Variants in CYP2C19 observed in about 807,000 individuals in gnomAD.
CYP2C19 encodes the protein cytochrome P450 family 2 subfamily C member 19.
In CYP2C19, 59 loss-of-function variants were observed where a neutral mutation model predicts 40.9. The observed-to-expected ratio is 1.44, with a 90% CI of 1.17 to 1.79. The LOEUF (loss-of-function observed/expected upper bound fraction) is 1.79. CYP2C19 is among the 40% of genes most tolerant of loss of function. The pLI, the probability that CYP2C19 is intolerant of heterozygous loss-of-function variation, is 0.00. For missense variants in CYP2C19, 754 were observed against 596.9 expected (o/e 1.26, Z -2.74); for synonymous variants, 253 against 208.7 (o/e 1.21, Z -1.83).
intron 5 of CYP2C19, among the ~76,000 whole-genome samples, chr10:94,817,754 C>T (rs1277573455): frequency 1.3e-5 from 2 of 151,924 alleles, no homozygotes; most frequent in African/African-American, 4.8e-5. Context: ...TGGCTCACAC[C>T]TGTAATCCCG....
intron 5 of CYP2C19, among the ~76,000 whole-genome samples, chr10:94,796,953 T>G (rs548625497): frequency 6.6e-6 from 1 of 152,242 alleles, no homozygotes; most frequent in East Asian, 1.9e-4. Flanking sequence ...ACAATTTGAC[T>G]TCCTCTTTTC....
chr10:94,801,942 A>G (rs1848771600), intron 5 of CYP2C19, among the ~76,000 whole-genome samples: 1 of 152,230 alleles, frequency 6.6e-6, no homozygotes, highest in South Asian at 2.1e-4. Flanking sequence ...AAAAGTGAGT[A>G]GCAGCAAGAT....
chr10:94,794,413 G>A (rs1159327418), intron 5 of CYP2C19, among the ~76,000 whole-genome samples: 2 of 152,158 alleles, frequency 1.3e-5, no homozygotes, highest in Non-Finnish European at 2.9e-5. Flanking sequence ...TGGAAATGCA[G>A]AAATCACCCA....
chr10:94,803,137 C>T (rs922176368), intron 5 of CYP2C19, among the ~76,000 whole-genome samples: 5 of 152,166 alleles, frequency 3.3e-5, no homozygotes, highest in Admixed American at 3.3e-4. Context: ...TCAGATATTT[C>T]ATGGTGCCAG....
intron 1 of CYP2C19, among the ~76,000 whole-genome samples, chr10:94,768,739 A>T (rs1452918613): frequency 6.6e-6 from 1 of 152,022 alleles, no homozygotes; most frequent in African/African-American, 2.4e-5. Context: ...TTACTTAGGT[A>T]TACCACTGGT....
At chr10:94,777,745 A>C (rs1172315281) in intron 3 of CYP2C19, among the ~76,000 whole-genome samples, 1 of 152,180 alleles carries the variant, frequency 6.6e-6, no homozygotes, top group African/African-American at 2.4e-5. Flanking sequence ...AGCATGGGCA[A>C]AGACTTCATG....
chr10:94,839,325 C>A (rs1222223480), intron 6 of CYP2C19, among the ~76,000 whole-genome samples: 3 of 152,112 alleles, frequency 2.0e-5, no homozygotes, highest in Non-Finnish European at 2.9e-5. Context: ...GCTGTATAAC[C>A]ACCCATGGAC....
chr10:94,783,784 G>T (rs1196803700), intron 5 of CYP2C19, among the ~76,000 whole-genome samples: 1 of 151,944 alleles, frequency 6.6e-6, no homozygotes, highest in Non-Finnish European at 1.5e-5. Context: ...ACTATTCTGG[G>T]TCCCTTGAAT....
At chr10:94,778,151 A>C (rs1285214772) in intron 3 of CYP2C19, among the ~76,000 whole-genome samples, 1 of 152,168 alleles carries the variant, frequency 6.6e-6, no homozygotes, top group Non-Finnish European at 1.5e-5. Flanking sequence ...GAAAACCTGG[A>C]GCCCATGCAA....
Position 94,790,592 on chromosome 10 carries a change from A to G in CYP2C19, c.819+8595A>G, listed in dbSNP as rs139840199. ...TTTGTCGAAGGCCTTTTCTACATCT[A>G]TTGAGATAATCATGTGGTTTTTGTC... is the stretch of plus-strand genomic sequence containing the variant. On this transcript the variant is annotated intron_variant, in intron 5 of 8. Transcript: ENST00000371321. Among the ~76,000 whole-genome samples the G allele has an allele frequency of 1.2e-3, 183 of 152,252 alleles. 3 individuals carry two copies. The East Asian group carries it at 0.02, about 16-fold the overall frequency.
At chr10:94,763,110 T>A (rs1848195251) in intron 1 of CYP2C19, among the ~76,000 whole-genome samples, 1 of 152,204 alleles carries the variant, frequency 6.6e-6, no homozygotes, top group African/African-American at 2.4e-5. Flanking sequence ...TAACAAACTG[T>A]CAATAGTTTG....
intron 5 of CYP2C19, among the ~76,000 whole-genome samples, chr10:94,792,849 G>A (rs971842500): frequency 1.3e-5 from 2 of 152,026 alleles, no homozygotes; most frequent in African/African-American, 4.8e-5. Flanking sequence ...TGCTCTTCTC[G>A]AGGAGTATCT....
At chr10:94,850,285 A>G (rs571714883) in intron 8 of CYP2C19, among the ~76,000 whole-genome samples, 27 of 152,278 alleles carry the variant, frequency 1.8e-4, no homozygotes, top group South Asian at 2.1e-4. Flanking sequence ...AGAAAGCTGA[A>G]GTATAGGTTG....
intron 1 of CYP2C19, among the ~76,000 whole-genome samples, chr10:94,771,782 T>C (rs1242525799): frequency 6.6e-6 from 1 of 151,982 alleles, no homozygotes; most frequent in Non-Finnish European, 1.5e-5. Flanking sequence ...CAGAAACACC[T>C]CTTGCCCAAG....
intron 5 of CYP2C19, 65 bp from the exon 6 acceptor site, chr10:94,820,431 G>T: frequency 1.9e-6 from 3 of 1,570,364 alleles, no homozygotes; most frequent in South Asian, 2.2e-5. Context: ...GAGTAATTTT[G>T]AATTTACTGT....
chr10:94,783,122 A>G (rs1277051570), intron 5 of CYP2C19, among the ~76,000 whole-genome samples: 2 of 152,120 alleles, frequency 1.3e-5, no homozygotes, highest in Non-Finnish European at 2.9e-5. Context: ...AATAACAATA[A>G]CAAAAATCTA....
At chr10:94,763,969 A>T (rs1337644669) in intron 1 of CYP2C19, among the ~76,000 whole-genome samples, 1 of 152,052 alleles carries the variant, frequency 6.6e-6, no homozygotes, top group Non-Finnish European at 1.5e-5. Context: ...GTGAAGCCGC[A>T]GACCTTCGCA....
intron 5 of CYP2C19, among the ~76,000 whole-genome samples, chr10:94,808,529 C>A (rs556364065): frequency 1.3e-3 from 200 of 152,198 alleles, no homozygotes; most frequent in African/African-American, 4.4e-3. Flanking sequence ...AGGACTTATT[C>A]ATTAATTATA....
In CYP2C19 at chr10:94,848,792, C is replaced by T. The variant is rs138507469; in HGVS notation, c.1150-1125C>T. ...TAGTTCTCCTTAAAGAGATCCTTCACGTCCCTTGTAAGTTGGATTCCTAGG... is the reference window on the plus strand; with the variant it reads ...TAGTTCTCCTTAAAGAGATCCTTCATGTCCCTTGTAAGTTGGATTCCTAGG... On this transcript the variant is annotated intron_variant, in intron 7 of 8. Transcript: ENST00000371321. 2.7e-3 allele frequency among the ~76,000 whole-genome samples: 407 copies of T among 152,296 alleles called. 13 individuals carry two copies. The East Asian group carries it at 0.061, about 23-fold the overall frequency.
Sources: gnomAD v4.1 joint callset for allele counts (sites outside exome capture counted in the v4.1 genomes callset) on GRCh38, gnomAD v4.1.1 for gene constraint, MANE v1.5 for transcripts, NCBI Gene and HGNC (gene_info 2026-07-23, HGNC 2026-07-21) for gene names.